The following PSMB7 variants were observed in gnomAD, a reference collection of about 807,000 sequenced individuals.
PSMB7 encodes the protein proteasome subunit beta type-7.
In PSMB7, 5 loss-of-function variants were observed where a neutral mutation model predicts 28.1. The ratio of observed to expected loss-of-function variants is 0.18; its 90% CI spans 0.09 to 0.37. PSMB7 has a LOEUF of 0.37. Among genes scored for constraint, PSMB7 ranks in the 10% least tolerant of loss-of-function variants. The pLI is 1.00. For synonymous variants in PSMB7, 122 were observed against 123.7 expected, an observed-to-expected ratio of 0.99 and a Z score of 0.09; for missense variants, 275 against 346.2, an observed-to-expected ratio of 0.79 and a Z score of 1.63.
intron 5 of PSMB7, among the ~76,000 whole-genome samples, chr9:124,388,714 CCT>C (rs1282210955): frequency 1.3e-5 from 2 of 152,184 alleles, no homozygotes; most frequent in African/African-American, 2.4e-5. Flanking sequence ...CATACACACC[CCT>C]GATACTCCAC....
intron 3 of PSMB7, among the ~76,000 whole-genome samples, chr9:124,413,293 G>C (rs1027505658): frequency 6.6e-5 from 10 of 151,584 alleles, no homozygotes; most frequent in African/African-American, 2.2e-4. Flanking sequence ...CGGTAGAATA[G>C]CTTGGAGATG....
Position 124,356,720 on chromosome 9 carries a change from A to G in PSMB7, c.722+44T>C. 6.3e-7 allele frequency: 1 copy of G among 1,590,068 alleles called. No homozygotes were observed. Among genetic ancestry groups the G allele is most frequent in the East Asian group, 2.2e-5 (1 of 44,458 alleles). ...TGCCATGGAGATACCAAGGGTGGCC[A>G]CGACGCCAGGGGACCCAGGAAGAAC... is the stretch of plus-strand genomic sequence containing the variant. On this transcript the variant is annotated intron_variant, in intron 7 of 7. Transcript: ENST00000259457. This position sits in a 1 kb window ranked among gnomAD's most constrained non-coding sequence, Gnocchi z 4.4.
At chr9:124,379,087 C>T (rs1830639587) in intron 6 of PSMB7, among the ~76,000 whole-genome samples, 2 of 152,368 alleles carry the variant, frequency 1.3e-5, no homozygotes, top group South Asian at 4.1e-4. Context: ...TCAACTTACA[C>T]ATTTCAAAAT....
intron 4 of PSMB7, among the ~76,000 whole-genome samples, chr9:124,405,682 C>T (rs1015947367): frequency 1.3e-5 from 2 of 152,028 alleles, no homozygotes; most frequent in African/African-American, 4.8e-5. Flanking sequence ...TCACAGCCCC[C>T]ATTATTATTA....
rs566886164 is a variant in PSMB7, at chr9:124,413,276, T to C, written c.254+632A>G. On this transcript the variant is annotated intron_variant, in intron 3 of 7. Coordinates refer to ENST00000259457, the MANE Select transcript of PSMB7 (RefSeq NM_002799.4). ...CAGAGTTTCTAAATAGAATCTCACA[T>C]AAGCAACGGTAGAATAGCTTGGAGA... 4.7e-5 allele frequency among the ~76,000 whole-genome samples: 7 copies of C among 149,738 alleles called. No individual in the cohort carries two copies. The South Asian group carries it at 1.5e-3, about 32-fold the overall frequency.
intron 5 of PSMB7, among the ~76,000 whole-genome samples, chr9:124,391,934 T>C (rs1424508881): frequency 1.3e-5 from 2 of 152,226 alleles, no homozygotes; most frequent in Non-Finnish European, 2.9e-5. Context: ...AAGACTGAAA[T>C]AATTTCCTAA....
chr9:124,393,511 A>T (rs527619246), intron 5 of PSMB7, among the ~76,000 whole-genome samples: 4 of 152,380 alleles, frequency 2.6e-5, no homozygotes, highest in Admixed American at 6.5e-5. Flanking sequence ...CAATGAATTT[A>T]AAAAAGTATT....
intron 5 of PSMB7, among the ~76,000 whole-genome samples, chr9:124,404,306 T>C (rs904864558): frequency 6.6e-6 from 1 of 152,204 alleles, no homozygotes; most frequent in African/African-American, 2.4e-5. Flanking sequence ...CAAATTCATA[T>C]GCAGATGTAA....
chr9:124,391,206 T>C (rs1830783847), intron 5 of PSMB7, among the ~76,000 whole-genome samples: 1 of 152,132 alleles, frequency 6.6e-6, no homozygotes, highest in Admixed American at 6.5e-5. Flanking sequence ...GTAGTCCCAT[T>C]TTACAAAAGG....
At chr9:124,363,919 G>T (rs904598247) in intron 6 of PSMB7, among the ~76,000 whole-genome samples, 1 of 152,112 alleles carries the variant, frequency 6.6e-6, no homozygotes, top group Non-Finnish European at 1.5e-5. Context: ...GCTGGAAAAG[G>T]GTAGCCCAGA....
At position 124,356,880 on chromosome 9, in the gene PSMB7, G is replaced by C. The variant is rs549166919; in HGVS notation, c.606C>G (p.Ile202Met). ...EEAKNLVSEA[I>M]AAGIFNDLGS... ...CCAGGTCGTTGAAGATGCCAGCTGC[G>C]ATGGCTTCGCTCACCAGATTCTTGG... Residue 202 changes from isoleucine (I) to methionine (M), a missense_variant, in exon 7 of 8, where the codon ATC becomes ATG. Around this residue, in one of 2 missense-constraint regions of PSMB7, gnomAD observed 213 missense variants for 302.4 expected, o/e 0.70. Coordinates refer to ENST00000259457, the MANE Select transcript of PSMB7 (RefSeq NM_002799.4). The surrounding 1 kb of genome is among the most constrained non-coding windows in gnomAD (Gnocchi z 4.4). 3.1e-6 allele frequency: 5 copies of C among 1,614,138 alleles called. No individual in the cohort carries two copies. In the South Asian group the frequency reaches 4.4e-5, roughly 14 times the overall value.
intron 6 of PSMB7, among the ~76,000 whole-genome samples, chr9:124,376,550 C>T (rs967279006): frequency 2.0e-5 from 3 of 152,218 alleles, no homozygotes; most frequent in Admixed American, 2.0e-4. Context: ...CCTTGTCTGA[C>T]ACTTGCTTGG....
chr9:124,376,116 G>A (rs775636650), intron 6 of PSMB7, among the ~76,000 whole-genome samples: 17 of 151,714 alleles, frequency 1.1e-4, no homozygotes, highest in Non-Finnish European at 1.6e-4. Flanking sequence ...GGGAAAAAAA[G>A]AGCACCTCAT....
intron 6 of PSMB7, among the ~76,000 whole-genome samples, chr9:124,366,775 A>G (rs968188265): frequency 2.6e-5 from 4 of 152,206 alleles, no homozygotes; most frequent in Non-Finnish European, 4.4e-5. Flanking sequence ...TTCTCCATTT[A>G]TATGTTTAGA....
intron 6 of PSMB7, among the ~76,000 whole-genome samples, chr9:124,363,986 G>C (rs1369379909): frequency 2.0e-5 from 3 of 152,156 alleles, no homozygotes. Context: ...CCCTTCGTAA[G>C]TATGAGAATA....
At chr9:124,377,837 T>C (rs1035236203) in intron 6 of PSMB7, among the ~76,000 whole-genome samples, 1 of 152,168 alleles carries the variant, frequency 6.6e-6, no homozygotes, top group African/African-American at 2.4e-5. Context: ...TCCCTCGGTA[T>C]TGCAACCAGA....
intron 4 of PSMB7, among the ~76,000 whole-genome samples, chr9:124,409,475 G>C (rs1165365631): frequency 6.6e-6 from 1 of 152,186 alleles, no homozygotes; most frequent in Non-Finnish European, 1.5e-5. Flanking sequence ...CATATAGCCA[G>C]GATAGGTGTG....
chr9:124,407,654 T>C (rs1450813556), intron 4 of PSMB7, among the ~76,000 whole-genome samples: 2 of 152,242 alleles, frequency 1.3e-5, no homozygotes, highest in Non-Finnish European at 2.9e-5. Flanking sequence ...ATTGAAGTCA[T>C]TAAAATTTTA....
chr9:124,412,328 G>A (rs371509390), intron 4 of PSMB7, 24 bp downstream of exon 4: 4 of 1,610,396 alleles, frequency 2.5e-6, no homozygotes, highest in Non-Finnish European at 3.4e-6. Context: ...GATACTAGTA[G>A]GAATCCCCAT....
Sources: gnomAD v4.1 joint callset for allele counts (sites outside exome capture counted in the v4.1 genomes callset) on GRCh38, gnomAD v4.1.1 for gene constraint, gnomAD v4.1.1 regional missense constraint, Gnocchi (gnomAD v3.1) non-coding constraint, MANE v1.5 for transcripts, NCBI Gene and HGNC (gene_info 2026-07-23, HGNC 2026-07-21) for gene names.